Variants in PHF24 observed in about 807,000 individuals in gnomAD.
The protein encoded by PHF24 is Galpha inhibitory interacting protein.
In PHF24, 25 loss-of-function variants were observed where a neutral mutation model predicts 42.6. The observed-to-expected ratio is 0.59, with a 90% CI of 0.43 to 0.82. PHF24 has a LOEUF of 0.82. Ranked by LOEUF, PHF24 falls within the 40% of genes least tolerant of loss-of-function variation. The pLI is 0.00. For synonymous variants in PHF24, 185 were observed against 204.8 expected (o/e 0.90, Z 0.83); for missense variants, 470 against 538.1 (o/e 0.87, Z 1.25).
the PHF24 span, among the ~76,000 whole-genome samples, chr9:34,871,125 G>A: frequency 1.3e-5 from 2 of 152,124 alleles, no homozygotes; most frequent in African/African-American, 4.8e-5. Context: ...TCAATGTTTT[G>A]GATTTTGGCC....
chr9:34,706,883 T>C, the PHF24 span, among the ~76,000 whole-genome samples: 2 of 151,770 alleles, frequency 1.3e-5, no homozygotes, highest in Non-Finnish European at 2.9e-5. Context: ...CCCAGCAACT[T>C]GGAGCCTGAG....
At chr9:34,917,187 G>C in the PHF24 span, 1 of 1,447,466 alleles carries the variant, frequency 6.9e-7, no homozygotes, top group Non-Finnish European at 9.7e-7. Context: ...GACCACCTCA[G>C]CATGTTCCCA....
chr9:34,823,957 T>A, the PHF24 span, among the ~76,000 whole-genome samples: 5 of 152,228 alleles, frequency 3.3e-5, no homozygotes, highest in African/African-American at 1.2e-4. Context: ...ACTACCTCTC[T>A]AGGACAGGCA....
chr9:34,975,946 G>A (rs1412433896), intron 3 of PHF24, among the ~76,000 whole-genome samples: 1 of 152,038 alleles, frequency 6.6e-6, no homozygotes. Context: ...CTGGGTTCTT[G>A]GGGAAGATTC....
the PHF24 span, among the ~76,000 whole-genome samples, chr9:34,950,280 G>A: frequency 1.3e-5 from 2 of 150,510 alleles, no homozygotes; most frequent in Admixed American, 6.6e-5. Context: ...CCCAAGAGGC[G>A]GAGGTTGCAG....
the PHF24 span, among the ~76,000 whole-genome samples, chr9:34,700,399 C>A: frequency 6.6e-6 from 1 of 152,128 alleles, no homozygotes; most frequent in East Asian, 1.9e-4. Flanking sequence ...TGCTCAGATT[C>A]TGGAAACAAA....
chr9:34,726,267 G>C, the PHF24 span: 3 of 1,529,560 alleles, frequency 2.0e-6, no homozygotes, highest in East Asian at 2.5e-5. Context: ...TACAATGGTG[G>C]GTTTGGCATA....
chr9:34,933,479 C>CTT, the PHF24 span, among the ~76,000 whole-genome samples: 1 of 151,984 alleles, frequency 6.6e-6, no homozygotes, highest in African/African-American at 2.4e-5. Context: ...AATCCCAGCA[C>CTT]TTTGGGAGGC....
the PHF24 span, among the ~76,000 whole-genome samples, chr9:34,694,902 T>G: frequency 4.6e-5 from 7 of 152,268 alleles, no homozygotes; most frequent in Non-Finnish European, 5.9e-5. Context: ...TCTTTCCAGT[T>G]AAATTTTTTT....
chr9:34,834,824 G>T, the PHF24 span: 2 of 1,539,978 alleles, frequency 1.3e-6, no homozygotes, highest in South Asian at 2.4e-5. Context: ...TGGCGAAAGT[G>T]GGGAAGAGGG....
At chr9:34,840,941 T>G in the PHF24 span, among the ~76,000 whole-genome samples, 2 of 152,164 alleles carry the variant, frequency 1.3e-5, no homozygotes. Flanking sequence ...GTGTGCATTT[T>G]CAATGTTTAT....
At chr9:34,719,190 A>G in the PHF24 span, among the ~76,000 whole-genome samples, 3 of 152,112 alleles carry the variant, frequency 2.0e-5, no homozygotes, top group Non-Finnish European at 2.9e-5. Context: ...GGTGCACACT[A>G]CCATGCCCGG....
chr9:34,836,917 T>C, the PHF24 span: 1 of 321,118 alleles, frequency 3.1e-6, no homozygotes, highest in Non-Finnish European at 6.4e-6. Flanking sequence ...TAATTATGCC[T>C]TTGCAACCCT....
upstream of PHF24, chr9:34,958,183 A>G (rs1289042256): frequency 6.7e-6 from 1 of 148,898 alleles, no homozygotes; most frequent in African/African-American, 2.5e-5. The surrounding 1 kb of genome is among the most constrained non-coding windows in gnomAD (Gnocchi z 4.5). Context: ...GCGGGTGCAC[A>G]CGCCGCAGCC....
the PHF24 span, chr9:34,833,057 T>C: frequency 6.5e-7 from 1 of 1,548,510 alleles, no homozygotes; most frequent in Non-Finnish European, 8.7e-7. Context: ...TGCTGGCCTC[T>C]GGTCTTCAGC....
At chr9:34,730,861 T>G in the PHF24 span, among the ~76,000 whole-genome samples, 1 of 152,186 alleles carries the variant, frequency 6.6e-6, no homozygotes, top group East Asian at 1.9e-4. Flanking sequence ...TGGAGTTCAT[T>G]TGGCAATAAC....
the PHF24 span, among the ~76,000 whole-genome samples, chr9:34,937,347 A>AC: frequency 6.6e-6 from 1 of 152,010 alleles, no homozygotes; most frequent in Non-Finnish European, 1.5e-5. Context: ...CTGTGACCTT[A>AC]CCCCCAACCC....
the PHF24 span, chr9:34,833,855 C>G: frequency 6.4e-7 from 1 of 1,551,224 alleles, no homozygotes. Context: ...TTCCACGGGA[C>G]TAGGCTCCAT....
chr9:34,947,233 A>T, the PHF24 span, among the ~76,000 whole-genome samples: 2 of 152,240 alleles, frequency 1.3e-5, no homozygotes, highest in Non-Finnish European at 2.9e-5. Flanking sequence ...ATTTACAGCT[A>T]TGTGCTGCAT....
Sources: gnomAD v4.1 joint callset for allele counts (sites outside exome capture counted in the v4.1 genomes callset) on GRCh38, gnomAD v4.1.1 for gene constraint, Gnocchi (gnomAD v3.1) non-coding constraint, MANE v1.5 for transcripts, NCBI Gene and HGNC (gene_info 2026-07-23, HGNC 2026-07-21) for gene names.